EHMT1: variants seen among roughly 807,000 people sequenced by gnomAD.
The protein encoded by EHMT1 is euchromatic histone lysine methyltransferase 1.
Under a neutral mutation model 147.2 loss-of-function variants are expected in EHMT1, and 15 were observed. The observed-to-expected ratio is 0.10, with a 90% CI of 0.07 to 0.16. EHMT1 has a LOEUF of 0.16. Among genes scored for constraint, EHMT1 ranks in the 10% least tolerant of loss-of-function variants. EHMT1 has a pLI of 1.00. For missense variants in EHMT1, 1,587 were observed against 1,772.4 expected (o/e 0.90, Z 1.88); for synonymous variants, 795 against 709.6 (o/e 1.12, Z -1.91).
At chr9:137,794,483 A>C (rs1313204368) in intron 16 of EHMT1, among the ~76,000 whole-genome samples, 1 of 152,050 alleles carries the variant, frequency 6.6e-6, no homozygotes, top group African/African-American at 2.4e-5. Flanking sequence ...CCCCATCTCT[A>C]TAAGAAATGA....
intron 4 of EHMT1, chr9:137,738,536 C>T (rs147725785): frequency 1.2e-4 from 18 of 152,286 alleles, no homozygotes; most frequent in African/African-American, 3.9e-4. Context: ...AGTTCCACTG[C>T]TGGGCACGTG....
At chr9:137,626,677 A>G (rs1843280120) in intron 1 of EHMT1, among the ~76,000 whole-genome samples, 1 of 152,004 alleles carries the variant, frequency 6.6e-6, no homozygotes, top group African/African-American at 2.4e-5. Flanking sequence ...CCGTGTTGCG[A>G]ATAAAGCACT....
At chr9:137,657,192 G>A (rs1385843817) in intron 1 of EHMT1, among the ~76,000 whole-genome samples, 1 of 152,204 alleles carries the variant, frequency 6.6e-6, no homozygotes, top group Non-Finnish European at 1.5e-5. Flanking sequence ...TGTGGGGAGC[G>A]TGTGGCTGCA....
chr9:137,728,682 C>A, intron 4 of EHMT1, 153 bp downstream of exon 4: 1 of 930,178 alleles, frequency 1.1e-6, no homozygotes, highest in Non-Finnish European at 1.7e-6. Flanking sequence ...CGCCTGTATG[C>A]CTGAGGAGGC....
In EHMT1 at chr9:137,834,880, C is replaced by T; in HGVS notation, c.3824C>T (p.Ala1275Val). The T allele has an allele frequency of 1.9e-6, 3 of 1,608,336 alleles. No individual in the cohort carries two copies. The highest frequency in any genetic ancestry group is 2.5e-6 in the Non-Finnish European group (3 of 1,177,988). ...HSSAALAQRQ[A>V]SAAQEAQEDG... ...AGCGCGGCCCTGGCCCAGCGTCAGG[C>T]CAGCGCGGCCCAGGAGGCCCAGGAG... Residue 1275 changes from alanine (A) to valine (V), a missense_variant, in exon 27 of 27, where the codon GCC becomes GTC. Physicochemically the swap from Ala to Val is moderately conservative, Grantham distance 64 (BLOSUM62 0). Coordinates refer to ENST00000460843, the MANE Select transcript of EHMT1 (RefSeq NM_024757.5).
chr9:137,815,922 G>A lies in EHMT1; in HGVS notation c.3259-25G>A, dbSNP rs1006929052. On this transcript the variant is annotated intron_variant, in intron 22 of 26. Transcript: ENST00000460843. ...TTAAAGAGTGAGTAACCTCTGCTGG[G>A]CCCTTGCTGCTCATCTGTCCACAGG... 7 of 1,564,248 alleles carry A rather than the reference G, an allele frequency of 4.5e-6. No homozygotes were observed. The African/African-American group carries it at 9.5e-5, about 21-fold the overall frequency.
At chr9:137,661,546 C>T (rs1939080432) in intron 1 of EHMT1, among the ~76,000 whole-genome samples, 1 of 143,504 alleles carries the variant, frequency 7.0e-6, no homozygotes, top group African/African-American at 2.7e-5. Context: ...AGTGCAGTGG[C>T]GCAATCTCGG....
In EHMT1 at chr9:137,817,430, A is replaced by T. The variant is rs73578877; in HGVS notation, c.3375-9A>T. 1 of 1,613,280 alleles carries T rather than the reference A, an allele frequency of 6.2e-7. No homozygotes were observed. On this transcript the variant is annotated splice_polypyrimidine_tract_variant and intron_variant, in intron 23 of 26. Transcript: ENST00000460843. ...TGGCCTGGGTTCACCACTACTCTCTATTTTTCAGGGCAAGGCTGCAGCTCT... is the reference window on the plus strand; with the variant it reads ...TGGCCTGGGTTCACCACTACTCTCTTTTTTTCAGGGCAAGGCTGCAGCTCT...
chr9:137,797,151 G>T (rs1953029112), intron 16 of EHMT1, among the ~76,000 whole-genome samples: 5 of 152,188 alleles, frequency 3.3e-5, no homozygotes, highest in Admixed American at 3.3e-4. Context: ...CAGGCGCTGT[G>T]TGGGGTGTCC....
At chr9:137,629,767 T>G (rs1279075736) in intron 1 of EHMT1, among the ~76,000 whole-genome samples, 1 of 152,072 alleles carries the variant, frequency 6.6e-6, no homozygotes, top group East Asian at 1.9e-4. Flanking sequence ...TGACCTCAGG[T>G]GATCCGCCCA....
At chr9:137,734,704 G>C (rs1420562394) in intron 4 of EHMT1, among the ~76,000 whole-genome samples, 1 of 152,218 alleles carries the variant, frequency 6.6e-6, no homozygotes, top group Non-Finnish European at 1.5e-5. Flanking sequence ...GAAAGCAGAT[G>C]AGAAAAGAGA....
At position 137,816,006 on chromosome 9, in the gene EHMT1, C is replaced by T. The variant is rs2132759192; in HGVS notation, c.3318C>T (p.Asn1106=). ...MAEPPLIFEC[N]HACSCWRNCR... ...AGCCTCCCTTGATCTTCGAATGCAACCACGCGTGCTCCTGCTGGAGGAACT... is the reference window on the plus strand; with the variant it reads ...AGCCTCCCTTGATCTTCGAATGCAATCACGCGTGCTCCTGCTGGAGGAACT... Residue 1106 remains asparagine, a synonymous_variant, in exon 23 of 27, where the codon AAC becomes AAT. Transcript: ENST00000460843. The T allele has an allele frequency of 6.2e-7, 1 of 1,613,124 alleles. No homozygotes were observed. Among genetic ancestry groups the T allele is most frequent in the Non-Finnish European group, 8.5e-7 (1 of 1,179,538 alleles).
rs1001206528 is a variant in EHMT1, at chr9:137,619,090, G to A, written c.21+41G>A. ...GGCGGGGGGCGGCGCGGGGGCGGCG[G>A]GCAGCGGCGGAGGCGGCGCGGGGGC... is the stretch of plus-strand genomic sequence containing the variant. On this transcript the variant is annotated intron_variant, in intron 1 of 26. Transcript: ENST00000460843. 9.5e-5 allele frequency: 69 copies of A among 725,918 alleles called. No homozygotes were observed. In the East Asian group the frequency reaches 6.4e-3, roughly 68 times the overall value. 45.0% of individuals were successfully genotyped at this position (725,918 alleles called of 1,614,324 possible).
chr9:137,776,772 C>T lies in EHMT1; in HGVS notation c.1946C>T (p.Ser649Leu), dbSNP rs918281920. 5.6e-6 allele frequency: 9 copies of T among 1,613,964 alleles called. No individual in the cohort carries two copies. Among genetic ancestry groups the T allele is most frequent in the Non-Finnish European group, 7.6e-6 (9 of 1,180,036 alleles). ...EVTIAKADTT[S>L]TVTPVPGQEK... ...ACGATAGCTAAAGCAGACACCACCT[C>T]GACCGTGACACCAGTCCCCGGGCAG... is the stretch of plus-strand genomic sequence containing the variant. The change falls in exon 12 of 27, where the codon TCG (serine) becomes TTG (leucine). Residue 649 changes from serine to leucine, a missense_variant. Ser to Leu is a moderately radical substitution (Grantham distance 145). Transcript: ENST00000460843. This position sits in a 1 kb window ranked among gnomAD's most constrained non-coding sequence, Gnocchi z 4.4.
At chr9:137,730,697 T>C (rs1030601088) in intron 4 of EHMT1, among the ~76,000 whole-genome samples, 1 of 152,246 alleles carries the variant, frequency 6.6e-6, no homozygotes. Flanking sequence ...CCCAAGTTTG[T>C]CCAGTGGGGT....
chr9:137,817,891 C>A, intron 24 of EHMT1, 169 bp from the exon 25 acceptor site: 1 of 706,056 alleles, frequency 1.4e-6, no homozygotes. Context: ...CCTCCGGACC[C>A]TCAGCTGAAA....
intron 4 of EHMT1, among the ~76,000 whole-genome samples, chr9:137,736,148 G>A (rs1947511824): frequency 6.6e-6 from 1 of 152,106 alleles, no homozygotes; most frequent in African/African-American, 2.4e-5. Context: ...AGAGAGCAAG[G>A]TGGCTATCAG....
At chr9:137,724,980 C>T (rs1034207137) in intron 3 of EHMT1, among the ~76,000 whole-genome samples, 1 of 147,742 alleles carries the variant, frequency 6.8e-6, no homozygotes. Flanking sequence ...ATTCGTGTGG[C>T]AGACGTGTGG....
In EHMT1 at chr9:137,775,939, GCGTC is replaced by G. The variant is rs1950922842; in HGVS notation, c.1792-678_1792-675del. ...CATCTGTGTGAGCCTCTGCCTGTAAGCGTCTGTCTGTGTGCGCCTGTGTGTGTGA... is the reference window on the plus strand; with the variant it reads ...CATCTGTGTGAGCCTCTGCCTGTAAGTGTCTGTGTGCGCCTGTGTGTGTGA... On this transcript the variant is annotated intron_variant, in intron 11 of 26. Coordinates refer to ENST00000460843, the MANE Select transcript of EHMT1 (RefSeq NM_024757.5). The surrounding 1 kb of genome is among the most constrained non-coding windows in gnomAD (Gnocchi z 6.1). 6.6e-6 allele frequency among the ~76,000 whole-genome samples: 1 copy of G among 151,980 alleles called. No individual in the cohort carries two copies. Among genetic ancestry groups the G allele is most frequent in the African/African-American group, 2.4e-5 (1 of 41,364 alleles).
Sources: gnomAD v4.1 joint callset for allele counts (sites outside exome capture counted in the v4.1 genomes callset) on GRCh38, gnomAD v4.1.1 for gene constraint, Gnocchi (gnomAD v3.1) non-coding constraint, MANE v1.5 for transcripts, NCBI Gene and HGNC (gene_info 2026-07-23, HGNC 2026-07-21) for gene names.